The following SLC8A3 variants were observed in gnomAD, a reference collection of about 807,000 sequenced individuals.
SLC8A3 encodes the protein sodium/calcium exchanger 3.
A neutral mutation model predicts 65.4 loss-of-function variants in SLC8A3; 37 were observed. That is an observed-to-expected ratio of 0.57 (90% CI 0.44 to 0.74). SLC8A3 has a LOEUF of 0.74. SLC8A3 is among the 30% of genes least tolerant of loss of function. The pLI is 0.00. For missense variants in SLC8A3, 1,112 were observed against 1,172.1 expected, an observed-to-expected ratio of 0.95 and a Z score of 0.75; for synonymous variants, 461 against 444.5, an observed-to-expected ratio of 1.04 and a Z score of -0.47.
chr14:70,082,762 C>G (rs1891147066), intron 2 of SLC8A3, among the ~76,000 whole-genome samples: 1 of 152,074 alleles, frequency 6.6e-6, no homozygotes, highest in Non-Finnish European at 1.5e-5. Context: ...TTCCTCTGAA[C>G]CAAAGGGAAA....
At chr14:70,123,851 T>G (rs537520712) in intron 2 of SLC8A3, among the ~76,000 whole-genome samples, 94 of 152,344 alleles carry the variant, frequency 6.2e-4, no homozygotes, top group African/African-American at 2.1e-3. Flanking sequence ...GACATCTATT[T>G]AAGAGGACTT....
At chr14:70,066,591 G>A (rs1431168944) in intron 2 of SLC8A3, among the ~76,000 whole-genome samples, 3 of 152,052 alleles carry the variant, frequency 2.0e-5, no homozygotes, top group Non-Finnish European at 4.4e-5. Context: ...CGGGTGGATC[G>A]CTTGAGGTCA....
At chr14:70,125,059 A>G (rs1437629534) in intron 2 of SLC8A3, among the ~76,000 whole-genome samples, 1 of 152,246 alleles carries the variant, frequency 6.6e-6, no homozygotes, top group African/African-American at 2.4e-5. Flanking sequence ...GAGATACTCA[A>G]TAAATATTTT....
chr14:70,125,619 G>T (rs1894391717), intron 2 of SLC8A3, among the ~76,000 whole-genome samples: 1 of 152,088 alleles, frequency 6.6e-6, no homozygotes, highest in Non-Finnish European at 1.5e-5. Flanking sequence ...TGCTACTGTG[G>T]ATAGTGTTGC....
chr14:70,048,735 T>C, intron 6 of SLC8A3, 32 bp downstream of exon 6: 1 of 1,602,160 alleles, frequency 6.2e-7, no homozygotes, highest in South Asian at 1.1e-5. Context: ...GGTAAAATCC[T>C]CTTTGCAAAT....
rs746695282 is a variant in SLC8A3 at position 70,048,827 on chromosome 14, T to C, written c.2329A>G (p.Ile777Val). The change falls in exon 6 of 7, where the codon ATT (isoleucine) becomes GTT (valine). Residue 777 changes from isoleucine to valine, a missense_variant. Transcript: ENST00000356921. ...GCTGTGACTGAATCTTTGAGACCAA[T>C]GGTGCAGCCGAAGTGCGAGGCCAGG... ...GDLASHFGCT[I>V]GLKDSVTAVV... 6.2e-7 allele frequency: 1 copy of C among 1,614,122 alleles called. No homozygotes were observed. The highest frequency in any genetic ancestry group is 1.6e-4 in the Middle Eastern group (1 of 6,062).
chr14:70,110,000 A>T (rs531455438), intron 2 of SLC8A3, among the ~76,000 whole-genome samples: 1 of 152,212 alleles, frequency 6.6e-6, no homozygotes, highest in East Asian at 1.9e-4. Context: ...ATATGGAGAC[A>T]TGTAGAATAC....
rs562192127 is a variant in SLC8A3, at chr14:70,049,276, G to T, written c.2114-234C>A. Among the ~76,000 whole-genome samples the T allele has an allele frequency of 1.6e-4, 24 of 152,254 alleles. 1 individual carries two copies. Among genetic ancestry groups the T allele is most frequent in the Middle Eastern group, 3.4e-3 (1 of 294 alleles). ...CACCAAGGTAGAGTGGGAGAGAGAG[G>T]GCCAGGGAATAAGGAAGAGAAGAAA... On this transcript the variant is annotated intron_variant, in intron 5 of 6. Coordinates refer to ENST00000356921, the MANE Select transcript of SLC8A3 (RefSeq NM_182932.3).
intron 2 of SLC8A3, among the ~76,000 whole-genome samples, chr14:70,081,404 G>A (rs2140004057): frequency 6.6e-6 from 1 of 152,320 alleles, no homozygotes; most frequent in African/African-American, 2.4e-5. Context: ...AAAATTGGGA[G>A]ATGGAATAAA....
In SLC8A3 at chr14:70,044,314, TC is replaced by T. The variant is rs1566722916; in HGVS notation, c.*1632del. The T allele has an allele frequency of 6.6e-6, 1 of 152,182 alleles. No individual in the cohort carries two copies. The highest frequency in any genetic ancestry group is 1.5e-5 in the Non-Finnish European group (1 of 68,046). 9.4% of individuals were successfully genotyped at this position (152,182 alleles called of 1,614,324 possible). On this transcript the variant is annotated 3_prime_UTR_variant, in exon 7 of 7. Coordinates refer to ENST00000356921, the MANE Select transcript of SLC8A3 (RefSeq NM_182932.3). ...CATAGCTTATGACATGAGCACTGTT[TC>T]TTTTTTAATTATTTTTTTCTTAAAA...
At chr14:70,189,261 C>A (rs958172122), upstream of SLC8A3, among the ~76,000 whole-genome samples, 10 of 152,102 alleles carry the variant, frequency 6.6e-5, no homozygotes, top group Non-Finnish European at 1.2e-4. Context: ...GAGCCTGGCG[C>A]CCGCGCCTCC....
intron 2 of SLC8A3, among the ~76,000 whole-genome samples, chr14:70,125,536 T>C (rs1397203787): frequency 6.6e-6 from 1 of 152,184 alleles, no homozygotes; most frequent in Non-Finnish European, 1.5e-5. Context: ...TAGTATTCCA[T>C]TGTGTGTGTA....
intron 2 of SLC8A3, among the ~76,000 whole-genome samples, chr14:70,072,808 C>T (rs1050716144): frequency 2.6e-5 from 4 of 152,058 alleles, no homozygotes; most frequent in Non-Finnish European, 4.4e-5. Flanking sequence ...CCACTAAACC[C>T]AGCTAATTTT....
At chr14:70,178,629 G>A (rs371632781) in intron 1 of SLC8A3, among the ~76,000 whole-genome samples, 1 of 152,170 alleles carries the variant, frequency 6.6e-6, no homozygotes, top group Non-Finnish European at 1.5e-5. Context: ...CTACAAGAAA[G>A]CATGATGCTG....
chr14:70,150,334 C>T (rs1004215447), intron 2 of SLC8A3, among the ~76,000 whole-genome samples: 2 of 152,152 alleles, frequency 1.3e-5, no homozygotes, highest in African/African-American at 4.8e-5. Flanking sequence ...CAACAAGTAG[C>T]TGGGACTCCA....
At chr14:70,113,356 T>C (rs968740121) in intron 2 of SLC8A3, among the ~76,000 whole-genome samples, 1 of 152,172 alleles carries the variant, frequency 6.6e-6, no homozygotes, top group African/African-American at 2.4e-5. Flanking sequence ...TATCTAAACA[T>C]ATCTAGACCT....
At chr14:70,138,421 C>G (rs909090374) in intron 2 of SLC8A3, among the ~76,000 whole-genome samples, 3 of 152,222 alleles carry the variant, frequency 2.0e-5, no homozygotes, top group Non-Finnish European at 2.9e-5. Context: ...TGCTTCCCAA[C>G]AGACTATAAA....
intron 2 of SLC8A3, 89 bp from the exon 3 acceptor site, chr14:70,061,028 C>A (rs921926711): frequency 2.5e-5 from 16 of 649,574 alleles, no homozygotes; most frequent in Middle Eastern, 2.5e-4. Context: ...CATTCCCCGT[C>A]ATTCCTGGCA....
At chr14:70,093,916 G>A (rs1018668234) in intron 2 of SLC8A3, among the ~76,000 whole-genome samples, 3 of 152,154 alleles carry the variant, frequency 2.0e-5, no homozygotes, top group South Asian at 2.1e-4. Context: ...CAATGAACCT[G>A]ACAGGCTGTT....
Sources: gnomAD v4.1 joint callset for allele counts (sites outside exome capture counted in the v4.1 genomes callset) on GRCh38, gnomAD v4.1.1 for gene constraint, MANE v1.5 for transcripts, NCBI Gene and HGNC (gene_info 2026-07-23, HGNC 2026-07-21) for gene names.